The following ESRRG variants were observed in gnomAD, a reference collection of about 807,000 sequenced individuals.
ESRRG encodes estrogen related receptor gamma, also known as estrogen-related receptor gamma.
In ESRRG, 13 loss-of-function variants were observed where a neutral mutation model predicts 44.0. The observed-to-expected ratio is 0.30, with a 90% CI of 0.19 to 0.47. The LOEUF is 0.47. Ranked by LOEUF, ESRRG falls within the 20% of genes least tolerant of loss-of-function variation. The pLI, the probability that ESRRG is intolerant of heterozygous loss-of-function variation, is 1.00. For synonymous variants in ESRRG, 215 were observed against 214.6 expected (o/e 1.00, Z -0.02); for missense variants, 395 against 580.6 (o/e 0.68, Z 3.29).
chr1:216,815,891 T>TATTTGGTG (rs2095120961), intron 2 of ESRRG, among the ~76,000 whole-genome samples: 1 of 152,172 alleles, frequency 6.6e-6, no homozygotes, highest in Non-Finnish European at 1.5e-5. Context: ...GGCCATATGT[T>TATTTGGTG]ATTTGGTGTC....
At chr1:216,541,560 TAG>T (rs1491203700) in intron 5 of ESRRG, among the ~76,000 whole-genome samples, 1 of 105,298 alleles carries the variant, frequency 9.5e-6, no homozygotes, top group African/African-American at 3.5e-5. Flanking sequence ...GTCTTTTGGT[TAG>T]TGTGTGTGTG....
At chr1:216,881,770 T>C (rs1386219524) in intron 2 of ESRRG, among the ~76,000 whole-genome samples, 2 of 152,186 alleles carry the variant, frequency 1.3e-5, no homozygotes, top group East Asian at 3.8e-4. Context: ...GATAAAAAGT[T>C]ATGGACACAT....
intron 2 of ESRRG, among the ~76,000 whole-genome samples, chr1:216,731,578 T>C (rs1243903188): frequency 6.6e-6 from 1 of 152,070 alleles, no homozygotes; most frequent in Non-Finnish European, 1.5e-5. Flanking sequence ...CAAAAGAGAG[T>C]AAGATTCCCT....
intron 2 of ESRRG, among the ~76,000 whole-genome samples, chr1:216,906,584 C>T (rs35498998): frequency 0.016 from 2,419 of 152,300 alleles, 28 homozygotes; most frequent in Non-Finnish European, 0.023. Flanking sequence ...CTCCAAGACA[C>T]ATTAACATCC....
Position 216,803,590 on chromosome 1 carries a change from G to C in ESRRG, c.-13-126099C>G, listed in dbSNP as rs114630781. Among the ~76,000 whole-genome samples, 883 of 152,072 alleles carry C rather than the reference G, an allele frequency of 5.8e-3. 6 individuals are homozygous for C. The highest frequency in any genetic ancestry group is 0.02 in the African/African-American group (828 of 41,510). On this transcript the variant is annotated intron_variant, in intron 2 of 7. Transcript: ENST00000359162. ...GTCTAGACATTTTTTTAGCTTATTT[G>C]AACAGGACATTCCTCTTACATTTTG...
chr1:216,610,294 A>G (rs955360133), intron 3 of ESRRG, among the ~76,000 whole-genome samples: 1 of 151,824 alleles, frequency 6.6e-6, no homozygotes, highest in African/African-American at 2.4e-5. Flanking sequence ...TTGGCAGGAT[A>G]ACGCTGAGCT....
At chr1:216,616,116 G>A (rs1045899895) in intron 3 of ESRRG, among the ~76,000 whole-genome samples, 1 of 152,172 alleles carries the variant, frequency 6.6e-6, no homozygotes, top group African/African-American at 2.4e-5. Flanking sequence ...AGCCCAATGT[G>A]TTGGGATTAT....
intron 3 of ESRRG, among the ~76,000 whole-genome samples, chr1:216,630,730 G>A: frequency 6.6e-6 from 1 of 152,110 alleles, no homozygotes; most frequent in East Asian, 1.9e-4. Flanking sequence ...TTTCCCCTCT[G>A]CAGTGTTGTC....
chr1:216,545,816 T>C (rs79409259), intron 5 of ESRRG, among the ~76,000 whole-genome samples: 21,549 of 151,964 alleles, frequency 0.14, 2,269 homozygotes, highest in African/African-American at 0.3. Flanking sequence ...GAGTTCACTA[T>C]TTTTTCTGTT....
intron 1 of ESRRG, among the ~76,000 whole-genome samples, chr1:216,988,371 G>T (rs1205090670): frequency 2.0e-5 from 3 of 152,108 alleles, no homozygotes; most frequent in Admixed American, 2.0e-4. Flanking sequence ...GACTATTTTT[G>T]ATCTCCCATA....
At chr1:217,118,142 C>T (rs2092762089) in intron 1 of ESRRG, among the ~76,000 whole-genome samples, 1 of 152,196 alleles carries the variant, frequency 6.6e-6, no homozygotes, top group Non-Finnish European at 1.5e-5. Flanking sequence ...CTACTCACCC[C>T]TTCATCCATG....
chr1:216,888,020 A>G (rs1413016590), intron 2 of ESRRG, among the ~76,000 whole-genome samples: 2 of 147,728 alleles, frequency 1.4e-5, no homozygotes, highest in Non-Finnish European at 3.0e-5. Context: ...TTTTTTTTTT[A>G]CCACCAAACA....
At chr1:217,045,397 C>T (rs977748205) in intron 1 of ESRRG, among the ~76,000 whole-genome samples, 3 of 152,220 alleles carry the variant, frequency 2.0e-5, no homozygotes, top group African/African-American at 4.8e-5. Flanking sequence ...AGTCTCCCCA[C>T]AAAATCTCCA....
intron 2 of ESRRG, among the ~76,000 whole-genome samples, chr1:216,759,038 A>C (rs2092622730): frequency 6.6e-6 from 1 of 152,080 alleles, no homozygotes; most frequent in Admixed American, 6.6e-5. Flanking sequence ...AACAAGGTCT[A>C]ACTGGCTTTG....
chr1:216,951,742 TGTGTG>T (rs2066993877), intron 1 of ESRRG, among the ~76,000 whole-genome samples: 1 of 151,580 alleles, frequency 6.6e-6, no homozygotes, highest in East Asian at 1.9e-4. Flanking sequence ...TGTGTGTGTG[TGTGTG>T]TGTGTGTGTG....
chr1:216,792,687 C>A (rs2094356067), intron 2 of ESRRG, among the ~76,000 whole-genome samples: 1 of 152,160 alleles, frequency 6.6e-6, no homozygotes, highest in Non-Finnish European at 1.5e-5. Flanking sequence ...GAATATGCTA[C>A]TTCAGTCCAG....
At chr1:216,637,286 A>G (rs1051139288) in intron 3 of ESRRG, among the ~76,000 whole-genome samples, 2 of 152,222 alleles carry the variant, frequency 1.3e-5, no homozygotes, top group African/African-American at 4.8e-5. Flanking sequence ...GAAATACTCT[A>G]TACAGACATT....
intron 3 of ESRRG, among the ~76,000 whole-genome samples, chr1:216,617,924 C>A (rs188809255): frequency 1.1e-4 from 17 of 152,146 alleles, no homozygotes; most frequent in Non-Finnish European, 1.9e-4. Flanking sequence ...AATCAACATG[C>A]ATTTATTCTA....
intron 1 of ESRRG, among the ~76,000 whole-genome samples, chr1:217,100,590 G>A (rs1024682113): frequency 2.0e-5 from 3 of 152,200 alleles, no homozygotes; most frequent in Admixed American, 2.0e-4. Flanking sequence ...GTAAAGAAAA[G>A]AGGTTTAATT....
Sources: gnomAD v4.1 joint callset for allele counts (sites outside exome capture counted in the v4.1 genomes callset) on GRCh38, gnomAD v4.1.1 for gene constraint, MANE v1.5 for transcripts, NCBI Gene and HGNC (gene_info 2026-07-23, HGNC 2026-07-21) for gene names.